The following PDZRN3 variants were observed in gnomAD, a reference collection of about 807,000 sequenced individuals.
PDZRN3 encodes the protein PDZ domain containing ring finger 3.
A neutral mutation model predicts 85.7 loss-of-function variants in PDZRN3; 38 were observed. That is an observed-to-expected ratio of 0.44 (90% CI 0.34 to 0.58). PDZRN3 has a LOEUF of 0.58. Ranked by LOEUF, PDZRN3 falls within the 20% of genes least tolerant of loss-of-function variation. The pLI, the probability that PDZRN3 is intolerant of heterozygous loss-of-function variation, is 0.01. For missense variants in PDZRN3, 1,629 were observed against 1,506.4 expected, an observed-to-expected ratio of 1.08 and a Z score of -1.35; for synonymous variants, 759 against 638.0, an observed-to-expected ratio of 1.19 and a Z score of -2.86.
At position 73,459,155 on chromosome 3, in the gene PDZRN3, T is replaced by C. The variant is rs376415257; in HGVS notation, c.919-54760A>G. Among the ~76,000 whole-genome samples the C allele has an allele frequency of 2.7e-4, 41 of 152,174 alleles. 1 individual carries two copies. In the East Asian group the frequency reaches 5.0e-3, roughly 19 times the overall value. On this transcript the variant is annotated intron_variant, in intron 3 of 9. Coordinates refer to ENST00000263666, the MANE Select transcript of PDZRN3 (RefSeq NM_015009.3). ...GAGTGCCAGCAAGGGAAAATGCCAGTTGCTTATAAAACCATCAGATCTCCT... is the reference window on the plus strand; with the variant it reads ...GAGTGCCAGCAAGGGAAAATGCCAGCTGCTTATAAAACCATCAGATCTCCT...
intron 5 of PDZRN3, among the ~76,000 whole-genome samples, chr3:73,393,029 A>G (rs1701560153): frequency 1.3e-5 from 2 of 152,162 alleles, no homozygotes; most frequent in South Asian, 2.1e-4. Context: ...TTGAATATGC[A>G]TAAGAGGGAA....
intron 3 of PDZRN3, among the ~76,000 whole-genome samples, chr3:73,422,816 G>T (rs1004067889): frequency 6.6e-6 from 1 of 152,146 alleles, no homozygotes; most frequent in African/African-American, 2.4e-5. Flanking sequence ...AGACAGACAT[G>T]CTAAACAACT....
At chr3:73,611,186 T>C (rs1224252757) in intron 1 of PDZRN3, among the ~76,000 whole-genome samples, 1 of 152,188 alleles carries the variant, frequency 6.6e-6, no homozygotes, top group African/African-American at 2.4e-5. Context: ...GGTTTTATTG[T>C]TGAAATTCCA....
intron 3 of PDZRN3, among the ~76,000 whole-genome samples, chr3:73,545,201 C>T (rs972068034): frequency 1.1e-4 from 17 of 152,142 alleles, no homozygotes; most frequent in South Asian, 2.1e-4. Flanking sequence ...CCCACCACGA[C>T]GGATGGTGCT....
intron 3 of PDZRN3, among the ~76,000 whole-genome samples, chr3:73,539,287 T>C (rs1040528897): frequency 1.3e-5 from 2 of 152,346 alleles, no homozygotes; most frequent in East Asian, 1.9e-4. Context: ...CACCTTGAGA[T>C]AGTTTCAATC....
intron 3 of PDZRN3, chr3:73,433,673 T>G (rs1702476317): frequency 6.5e-7 from 1 of 1,535,954 alleles, no homozygotes; most frequent in Admixed American, 2.0e-5. Flanking sequence ...GTACTGCTCC[T>G]CTTGCTTCTG....
chr3:73,516,431 C>A (rs1263378568), intron 3 of PDZRN3, among the ~76,000 whole-genome samples: 1 of 152,144 alleles, frequency 6.6e-6, no homozygotes, highest in Non-Finnish European at 1.5e-5. Context: ...TGTGTATTTT[C>A]TTAATTATGA....
chr3:73,533,240 T>C (rs1220839081), intron 3 of PDZRN3, among the ~76,000 whole-genome samples: 2 of 152,226 alleles, frequency 1.3e-5, no homozygotes, highest in Admixed American at 1.3e-4. Context: ...TGGCGAAAGT[T>C]AAGGCAAAAG....
chr3:73,424,939 T>C (rs1456457360), intron 3 of PDZRN3, among the ~76,000 whole-genome samples: 2 of 152,148 alleles, frequency 1.3e-5, no homozygotes, highest in Admixed American at 6.5e-5. Context: ...GGAAAGCAAT[T>C]TGACACTAGT....
At position 73,623,007 on chromosome 3, in the gene PDZRN3, G is replaced by GT. The variant is rs113944096; in HGVS notation, c.723+1095dup. ...TGAAACTGCCCCTTAATGAGCCTCAGTTTTTTCATCTACTAAGTGGGAAGG... is the reference window on the plus strand; with the variant it reads ...TGAAACTGCCCCTTAATGAGCCTCAGTTTTTTTCATCTACTAAGTGGGAAGG... On this transcript the variant is annotated intron_variant, in intron 1 of 9. Coordinates refer to ENST00000263666, the MANE Select transcript of PDZRN3 (RefSeq NM_015009.3). 4.1e-3 allele frequency among the ~76,000 whole-genome samples: 625 copies of GT among 152,212 alleles called. 3 individuals carry two copies. The highest frequency in any genetic ancestry group is 0.014 in the African/African-American group (574 of 41,526).
At chr3:73,577,988 T>C (rs1702148777) in intron 3 of PDZRN3, among the ~76,000 whole-genome samples, 1 of 152,212 alleles carries the variant, frequency 6.6e-6, no homozygotes, top group Non-Finnish European at 1.5e-5. Flanking sequence ...CCACATGGCC[T>C]GCAAGGCTGA....
intron 3 of PDZRN3, among the ~76,000 whole-genome samples, chr3:73,416,413 T>C (rs1575637024): frequency 1.3e-5 from 2 of 152,038 alleles, no homozygotes; most frequent in East Asian, 3.9e-4. Context: ...AGAATTTTAA[T>C]TGTTCTGCTA....
intron 3 of PDZRN3, among the ~76,000 whole-genome samples, chr3:73,593,577 T>C (rs1031312608): frequency 2.0e-5 from 3 of 152,136 alleles, no homozygotes; most frequent in Non-Finnish European, 4.4e-5. Context: ...TGCTATGAGC[T>C]TGTAGAAATG....
At chr3:73,435,987 A>G (rs1178600416) in intron 3 of PDZRN3, among the ~76,000 whole-genome samples, 2 of 152,106 alleles carry the variant, frequency 1.3e-5, no homozygotes, top group Non-Finnish European at 2.9e-5. Context: ...ACTGCCAGCA[A>G]GCCATGCCCT....
Position 73,382,667 on chromosome 3 carries a change from C to T in PDZRN3, c.*698G>A, listed in dbSNP as rs1458005755. 6.6e-6 allele frequency: 1 copy of T among 152,644 alleles called. No individual in the cohort carries two copies. Among genetic ancestry groups the T allele is most frequent in the East Asian group, 1.9e-4 (1 of 5,202 alleles). The allele number at this position is 152,644 out of a possible 1,614,324, so 9.5% of individuals were successfully genotyped here. A position where few individuals can be genotyped will look rare whatever the true frequency, so the allele number is the denominator to read the frequency against. ...TCCATCCACAACTTTCCTGTACATG[C>T]AAATTCTTTCAATGGGCTGCAATAT... On this transcript the variant is annotated 3_prime_UTR_variant, in exon 10 of 10. Transcript: ENST00000263666.
chr3:73,575,572 T>C (rs1378075692), intron 3 of PDZRN3, among the ~76,000 whole-genome samples: 4 of 152,136 alleles, frequency 2.6e-5, no homozygotes, highest in African/African-American at 9.7e-5. Flanking sequence ...GGGACAAAAA[T>C]GTGAGGTGTG....
intron 3 of PDZRN3, among the ~76,000 whole-genome samples, chr3:73,593,727 C>T (rs1463079477): frequency 6.6e-5 from 10 of 151,486 alleles, no homozygotes; most frequent in Middle Eastern, 3.4e-3. Context: ...CACACACACA[C>T]ACACACACAC....
chr3:73,581,602 A>C (rs939666742), intron 3 of PDZRN3, among the ~76,000 whole-genome samples: 3 of 152,196 alleles, frequency 2.0e-5, no homozygotes, highest in East Asian at 3.8e-4. Flanking sequence ...TAGGTCCAAA[A>C]AAATGCAGAA....
chr3:73,499,723 A>T (rs1703940110), intron 3 of PDZRN3, among the ~76,000 whole-genome samples: 1 of 152,226 alleles, frequency 6.6e-6, no homozygotes, highest in African/African-American at 2.4e-5. Context: ...GATTACAAAA[A>T]GCAGTAAGGG....
Sources: allele counts gnomAD v4.1 joint callset (sites outside exome capture counted in the v4.1 genomes callset), GRCh38; gene constraint gnomAD v4.1.1; transcripts MANE v1.5; gene names NCBI Gene and HGNC (gene_info 2026-07-23, HGNC 2026-07-21).